HPSE2: variants seen among roughly 807,000 people sequenced by gnomAD.
HPSE2 encodes the protein inactive heparanase-2.
In HPSE2, 38 loss-of-function variants were observed where a neutral mutation model predicts 60.5. The ratio of observed to expected loss-of-function variants is 0.63; its 90% confidence interval spans 0.48 to 0.82. The LOEUF (loss-of-function observed/expected upper bound fraction) is 0.82. HPSE2 is among the 40% of genes least tolerant of loss of function. The pLI is 0.00. For synonymous variants in HPSE2, 295 were observed against 293.2 expected (o/e 1.01, Z -0.06); for missense variants, 713 against 740.4 (o/e 0.96, Z 0.43).
intron 3 of HPSE2, among the ~76,000 whole-genome samples, chr10:98,880,015 G>A (rs1463174916): frequency 6.6e-6 from 1 of 151,820 alleles, no homozygotes; most frequent in Non-Finnish European, 1.5e-5. Context: ...CTATTCTGAT[G>A]TTACTTCAGT....
the HPSE2 span, among the ~76,000 whole-genome samples, chr10:99,265,149 C>A: frequency 6.6e-6 from 1 of 152,118 alleles, no homozygotes; most frequent in Non-Finnish European, 1.5e-5. Context: ...CTGCCGCACC[C>A]TAACTGACAC....
At chr10:99,037,330 TA>T (rs1157383922) in intron 3 of HPSE2, among the ~76,000 whole-genome samples, 8 of 152,106 alleles carry the variant, frequency 5.3e-5, no homozygotes, top group Admixed American at 1.3e-4. Context: ...TTAATTGTAT[TA>T]TACAATATCT....
chr10:99,124,940 A>T (rs1215575171), intron 3 of HPSE2, among the ~76,000 whole-genome samples: 2 of 152,242 alleles, frequency 1.3e-5, no homozygotes, highest in East Asian at 3.8e-4. Context: ...GCCACTCCAT[A>T]TGGGCTGCCA....
intron 9 of HPSE2, among the ~76,000 whole-genome samples, chr10:98,593,186 T>C (rs1040928162): frequency 1.3e-5 from 2 of 152,210 alleles, no homozygotes; most frequent in Non-Finnish European, 2.9e-5. Context: ...AGGAACTAAA[T>C]GTAACATATA....
chr10:98,745,270 T>C (rs1589752823), intron 3 of HPSE2, among the ~76,000 whole-genome samples: 2 of 152,342 alleles, frequency 1.3e-5, no homozygotes, highest in East Asian at 3.9e-4. Flanking sequence ...CCATCAACTC[T>C]ATCACCATGT....
chr10:98,770,646 C>A (rs1277543383), intron 3 of HPSE2, among the ~76,000 whole-genome samples: 19 of 152,190 alleles, frequency 1.2e-4, no homozygotes, highest in African/African-American at 4.1e-4. Context: ...TTCCCTTCTC[C>A]TCGCCTCCCC....
At chr10:99,272,334 G>T in the HPSE2 span, among the ~76,000 whole-genome samples, 4 of 150,878 alleles carry the variant, frequency 2.7e-5, no homozygotes, top group African/African-American at 9.7e-5. Flanking sequence ...ATTCTAGAAG[G>T]AAACATTGGA....
At chr10:98,860,074 C>T (rs1251588471) in intron 3 of HPSE2, among the ~76,000 whole-genome samples, 2 of 152,248 alleles carry the variant, frequency 1.3e-5, no homozygotes, top group African/African-American at 4.8e-5. Context: ...GGGTTTGGTA[C>T]TATCCACAGT....
the HPSE2 span, among the ~76,000 whole-genome samples, chr10:99,258,121 C>G: frequency 1.3e-5 from 2 of 151,354 alleles, no homozygotes; most frequent in African/African-American, 4.9e-5. Context: ...AGCCTGGTGA[C>G]TGGAGCCAGA....
intron 3 of HPSE2, among the ~76,000 whole-genome samples, chr10:99,048,750 GATC>G (rs1033463897): frequency 1.1e-4 from 16 of 152,012 alleles, no homozygotes; most frequent in African/African-American, 3.4e-4. Context: ...AAGGAAAATA[GATC>G]ATTATACAAA....
intron 11 of HPSE2, among the ~76,000 whole-genome samples, chr10:98,467,011 C>T (rs577439867): frequency 2.6e-5 from 4 of 152,238 alleles, no homozygotes; most frequent in East Asian, 3.9e-4. Flanking sequence ...TCATTCTTTA[C>T]GGCCATTTAT....
chr10:98,890,081 T>C (rs1012523160), intron 3 of HPSE2, among the ~76,000 whole-genome samples: 1 of 152,200 alleles, frequency 6.6e-6, no homozygotes, highest in African/African-American at 2.4e-5. Flanking sequence ...TTATCTTATA[T>C]GTAGTTGTCT....
chr10:98,724,759 G>A (rs1565112791), intron 4 of HPSE2, among the ~76,000 whole-genome samples: 1 of 152,068 alleles, frequency 6.6e-6, no homozygotes, highest in Non-Finnish European at 1.5e-5. Flanking sequence ...TTGATTTAAA[G>A]TCTGTTTTAT....
At chr10:98,963,685 T>C (rs543250221) in intron 3 of HPSE2, among the ~76,000 whole-genome samples, 26 of 152,258 alleles carry the variant, frequency 1.7e-4, no homozygotes, top group African/African-American at 5.5e-4. Context: ...TTTTTCCAAG[T>C]AGAGACATTG....
chr10:98,955,078 G>T (rs1955470587), intron 3 of HPSE2, among the ~76,000 whole-genome samples: 2 of 151,242 alleles, frequency 1.3e-5, no homozygotes, highest in Non-Finnish European at 2.9e-5. Flanking sequence ...TCACTGGTCA[G>T]CCATGGAACA....
chr10:99,251,295 G>A, the HPSE2 span, among the ~76,000 whole-genome samples: 1 of 152,118 alleles, frequency 6.6e-6, no homozygotes, highest in Non-Finnish European at 1.5e-5. Context: ...GAATCAGCAA[G>A]AAATTGAAAC....
intron 3 of HPSE2, among the ~76,000 whole-genome samples, chr10:98,821,655 G>A (rs1222459391): frequency 6.6e-6 from 1 of 152,174 alleles, no homozygotes; most frequent in Non-Finnish European, 1.5e-5. Flanking sequence ...TTACGCCTTT[G>A]GGGTTGTTCG....
At chr10:99,069,807 C>A (rs1296833491) in intron 3 of HPSE2, among the ~76,000 whole-genome samples, 1 of 151,720 alleles carries the variant, frequency 6.6e-6, no homozygotes, top group Non-Finnish European at 1.5e-5. Context: ...AAGAGGGTTA[C>A]ACAGACAACC....
At chr10:98,713,021 A>T (rs113931380) in intron 5 of HPSE2, among the ~76,000 whole-genome samples, 28 of 152,244 alleles carry the variant, frequency 1.8e-4, no homozygotes, top group African/African-American at 6.7e-4. Flanking sequence ...GTTAGTTTAG[A>T]TAGAGAATTA....
Sources: gnomAD v4.1 joint callset for allele counts (sites outside exome capture counted in the v4.1 genomes callset) on GRCh38, gnomAD v4.1.1 for gene constraint, MANE v1.5 for transcripts, NCBI Gene and HGNC (gene_info 2026-07-23, HGNC 2026-07-21) for gene names.